Variants in AFF3 observed in about 807,000 individuals in gnomAD.
AFF3 encodes ALF transcription elongation factor 3, also known as AF4/FMR2 family member 3.
AFF3 carries 32 observed loss-of-function variants against 129.7 expected under a neutral mutation model. That is an observed-to-expected ratio of 0.25 (90% confidence interval 0.19 to 0.33). The LOEUF (loss-of-function observed/expected upper bound fraction) is 0.33. Ranked by LOEUF, AFF3 falls within the 10% of genes least tolerant of loss-of-function variation. AFF3 has a pLI of 1.00. For synonymous variants in AFF3, 644 were observed against 635.4 expected, an observed-to-expected ratio of 1.01 and a Z score of -0.20; for missense variants, 1,373 against 1,592.0, an observed-to-expected ratio of 0.86 and a Z score of 2.34.
intron 7 of AFF3, among the ~76,000 whole-genome samples, chr2:99,905,820 C>A (rs1283850811): frequency 1.3e-5 from 2 of 152,148 alleles, no homozygotes; most frequent in East Asian, 3.8e-4. Flanking sequence ...CTCATACCAG[C>A]AGCAGCAGAT....
intron 7 of AFF3, among the ~76,000 whole-genome samples, chr2:99,940,446 C>T (rs553293403): frequency 6.6e-5 from 10 of 152,234 alleles, no homozygotes; most frequent in South Asian, 2.1e-4. Flanking sequence ...ATACAGGTCA[C>T]GAAGACCTTG....
intron 7 of AFF3, among the ~76,000 whole-genome samples, chr2:99,930,612 G>A (rs368258509): frequency 1.3e-5 from 2 of 152,044 alleles, no homozygotes; most frequent in Admixed American, 1.3e-4. Context: ...TCTGCACTGG[G>A]GGACAAACCA....
chr2:99,748,733 TA>T (rs1190158576), intron 9 of AFF3, among the ~76,000 whole-genome samples: 2 of 152,168 alleles, frequency 1.3e-5, no homozygotes, highest in Non-Finnish European at 2.9e-5. Flanking sequence ...ACAATGACTT[TA>T]AAAAAAAGTA....
intron 7 of AFF3, among the ~76,000 whole-genome samples, chr2:99,943,972 G>A (rs1203674094): frequency 2.6e-5 from 4 of 151,644 alleles, no homozygotes; most frequent in South Asian, 4.2e-4. Context: ...GCACCACCAC[G>A]GCTCACAGCC....
chr2:99,722,563 G>A (rs1679002370), intron 11 of AFF3, among the ~76,000 whole-genome samples: 1 of 152,186 alleles, frequency 6.6e-6, no homozygotes, highest in Non-Finnish European at 1.5e-5. Flanking sequence ...CATTTACCAA[G>A]CCCCTCTAAC....
At chr2:99,728,990 T>C (rs1229621765) in intron 10 of AFF3, among the ~76,000 whole-genome samples, 1 of 147,130 alleles carries the variant, frequency 6.8e-6, no homozygotes, top group African/African-American at 2.4e-5. Flanking sequence ...AATCCTAAAA[T>C]AGAGAGTTAT....
At chr2:99,947,669 CAGAT>C (rs200037611) in intron 7 of AFF3, among the ~76,000 whole-genome samples, 3 of 149,368 alleles carry the variant, frequency 2.0e-5, no homozygotes, top group South Asian at 2.1e-4. Flanking sequence ...GACAGACAGA[CAGAT>C]AGATCGATCC....
At chr2:99,734,438 T>C (rs1680088242) in intron 10 of AFF3, among the ~76,000 whole-genome samples, 1 of 152,130 alleles carries the variant, frequency 6.6e-6, no homozygotes, top group African/African-American at 2.4e-5. Flanking sequence ...GTGGAACTCA[T>C]GTCTTGTTCC....
At chr2:99,933,461 TA>T (rs1313514166) in intron 7 of AFF3, among the ~76,000 whole-genome samples, 1 of 152,052 alleles carries the variant, frequency 6.6e-6, no homozygotes, top group African/African-American at 2.4e-5. Flanking sequence ...ATGCATTAGG[TA>T]TTTCTCCTAA....
At chr2:99,683,403 C>T (rs752890887) in intron 11 of AFF3, among the ~76,000 whole-genome samples, 43 of 152,130 alleles carry the variant, frequency 2.8e-4, no homozygotes, top group Admixed American at 6.5e-4. Flanking sequence ...CATTCCATCT[C>T]GTGACAACAA....
intron 7 of AFF3, among the ~76,000 whole-genome samples, chr2:99,933,500 C>T (rs1558987734): frequency 1.3e-5 from 2 of 152,008 alleles, no homozygotes; most frequent in Admixed American, 6.6e-5. Context: ...CCCCCCACCC[C>T]CCGACAGGCC....
intron 10 of AFF3, among the ~76,000 whole-genome samples, chr2:99,739,377 T>C (rs1439517704): frequency 6.6e-6 from 1 of 152,178 alleles, no homozygotes. Flanking sequence ...ATGGCACTTA[T>C]TCTGATGGTG....
chr2:99,672,176 T>TCACACACACACACA (rs55867427), intron 12 of AFF3, among the ~76,000 whole-genome samples: 7 of 37,274 alleles, frequency 1.9e-4, no homozygotes, highest in East Asian at 1.8e-3. Context: ...CCAGTTAGCT[T>TCACACACACACACA]CTCACACACA....
chr2:99,874,410 T>C (rs1192816729), intron 7 of AFF3, among the ~76,000 whole-genome samples: 1 of 152,208 alleles, frequency 6.6e-6, no homozygotes, highest in African/African-American at 2.4e-5. Context: ...TGATGTGCAA[T>C]GTCAGTTCTC....
intron 5 of AFF3, 36 bp downstream of exon 5, chr2:100,008,776 G>GT (rs1213560693): frequency 3.7e-6 from 6 of 1,604,900 alleles, no homozygotes; most frequent in Non-Finnish European, 5.1e-6. Context: ...AGAGAAACAA[G>GT]TGAGAGGTAG....
At chr2:100,105,626 A>G (rs1691231622) in intron 2 of AFF3, 43 bp from the exon 3 acceptor site, 5 of 1,338,594 alleles carry the variant, frequency 3.7e-6, no homozygotes, top group African/African-American at 1.5e-5. Flanking sequence ...CTAAAGAGTA[A>G]TAATAATCTC....
chr2:99,966,412 C>T (rs575151495), intron 7 of AFF3, among the ~76,000 whole-genome samples: 236 of 152,044 alleles, frequency 1.6e-3, no homozygotes, highest in African/African-American at 5.3e-3. Flanking sequence ...ATGAAGAGGC[C>T]GGGCGCGGTG....
chr2:99,947,653 T>TAGACAGAC lies in AFF3; in HGVS notation c.873+58971_873+58978dup, dbSNP rs869305084. Among the ~76,000 whole-genome samples the TAGACAGAC allele has an allele frequency of 1.3e-3, 156 of 123,252 alleles. 1 individual carries two copies. Among genetic ancestry groups the TAGACAGAC allele is most frequent in the East Asian group, 0.012 (49 of 4,218 alleles). The allele number at this position is 123,252 out of a possible 152,430, so 80.9% of individuals were successfully genotyped here. A position where few individuals can be genotyped will look rare whatever the true frequency, so the allele number is the denominator to read the frequency against. On this transcript the variant is annotated intron_variant, in intron 7 of 24. Transcript: ENST00000672756. ...ATAGATAGATAGATAGATAGATAGATAGACAGACAGACAGACAGATAGATC... is the reference window on the plus strand; with the variant it reads ...ATAGATAGATAGATAGATAGATAGATAGACAGACAGACAGACAGACAGACAGATAGATC...
At chr2:99,891,044 C>T (rs754088225) in intron 7 of AFF3, among the ~76,000 whole-genome samples, 1 of 152,154 alleles carries the variant, frequency 6.6e-6, no homozygotes, top group African/African-American at 2.4e-5. Context: ...GGGGGTCACA[C>T]AGGGAAGCAC....
Sources: allele counts gnomAD v4.1 joint callset (sites outside exome capture counted in the v4.1 genomes callset), GRCh38; gene constraint gnomAD v4.1.1; transcripts MANE v1.5; gene names NCBI Gene and HGNC (gene_info 2026-07-23, HGNC 2026-07-21).